The following PARVA variants were observed in gnomAD, a reference collection of about 807,000 sequenced individuals.
The protein encoded by PARVA is alpha-parvin.
Under a neutral mutation model 52.6 loss-of-function variants are expected in PARVA, and 25 were observed. That is an observed-to-expected ratio of 0.48 (90% CI 0.35 to 0.66). The LOEUF (loss-of-function observed/expected upper bound fraction) is 0.66. Ranked by LOEUF, PARVA falls within the 30% of genes least tolerant of loss-of-function variation. PARVA has a pLI of 0.01. For missense variants in PARVA, 373 were observed against 450.9 expected (o/e 0.83, Z 1.56); for synonymous variants, 185 against 179.1 (o/e 1.03, Z -0.26).
At chr11:12,420,960 C>T (rs950021602) in intron 1 of PARVA, among the ~76,000 whole-genome samples, 1 of 151,922 alleles carries the variant, frequency 6.6e-6, no homozygotes, top group Non-Finnish European at 1.5e-5. Context: ...ATTCCTGGAT[C>T]CTTCAATGAT....
intron 1 of PARVA, among the ~76,000 whole-genome samples, chr11:12,381,952 A>G (rs1273800232): frequency 6.6e-6 from 1 of 151,974 alleles, no homozygotes; most frequent in Non-Finnish European, 1.5e-5. Flanking sequence ...GTGTTAGTCA[A>G]GGTTTATGGT....
intron 9 of PARVA, 159 bp from the exon 10 acceptor site, chr11:12,513,838 A>G (rs1427369754): frequency 2.2e-5 from 14 of 649,000 alleles, no homozygotes; most frequent in South Asian, 1.3e-4. Flanking sequence ...TGTGCACTCA[A>G]TGGCCTTTGC....
chr11:12,510,467 G>T (rs1176640371), intron 7 of PARVA, among the ~76,000 whole-genome samples: 1 of 152,224 alleles, frequency 6.6e-6, no homozygotes, highest in East Asian at 1.9e-4. Flanking sequence ...TCATTTTAGA[G>T]ATGAGAGACC....
rs58878351 is a variant in PARVA at position 12,504,774 on chromosome 11, G to GGTGTGTGTGTGTGT, written c.657+351_657+364dup. 1.6e-3 allele frequency among the ~76,000 whole-genome samples: 234 copies of GGTGTGTGTGTGTGT among 149,336 alleles called. 4 individuals are homozygous for GGTGTGTGTGTGTGT. Among genetic ancestry groups the GGTGTGTGTGTGTGT allele is most frequent in the South Asian group, 6.9e-3 (32 of 4,652 alleles). The stretch of plus-strand genomic sequence containing the variant: ...ATGGGGTCAGGAGGAAAGGTATGTG[G>GGTGTGTGTGTGTGT]GTGTGTGTGTGTGTGTGTGAGTTTG... On this transcript the variant is annotated intron_variant, in intron 6 of 12. Transcript: ENST00000334956.
intron 1 of PARVA, among the ~76,000 whole-genome samples, chr11:12,422,889 T>C (rs1471665826): frequency 6.6e-6 from 1 of 152,226 alleles, no homozygotes; most frequent in Non-Finnish European, 1.5e-5. Flanking sequence ...TGAGTCTTGC[T>C]CTGTTGCCCA....
intron 1 of PARVA, among the ~76,000 whole-genome samples, chr11:12,410,851 C>A (rs1939983296): frequency 6.6e-6 from 1 of 152,222 alleles, no homozygotes; most frequent in Admixed American, 6.5e-5. Flanking sequence ...GAATGTTCAT[C>A]ATTAAGCATC....
At chr11:12,382,273 T>A (rs1398425670) in intron 1 of PARVA, among the ~76,000 whole-genome samples, 2 of 152,138 alleles carry the variant, frequency 1.3e-5, no homozygotes, top group Non-Finnish European at 2.9e-5. Context: ...GACATTTCGA[T>A]AAGTTCTAAC....
At chr11:12,391,355 G>T (rs747169165) in intron 1 of PARVA, among the ~76,000 whole-genome samples, 2 of 152,154 alleles carry the variant, frequency 1.3e-5, no homozygotes, top group African/African-American at 4.8e-5. Flanking sequence ...GGCAATTGTC[G>T]TTCAGTTTGT....
intron 1 of PARVA, among the ~76,000 whole-genome samples, chr11:12,414,447 A>G (rs1940035678): frequency 6.6e-6 from 1 of 152,222 alleles, no homozygotes; most frequent in East Asian, 1.9e-4. Context: ...TAATTTTTAA[A>G]TTCTTTCATC....
chr11:12,474,113 G>A, intron 3 of PARVA, 130 bp downstream of exon 3: 2 of 718,554 alleles, frequency 2.8e-6, no homozygotes, highest in Non-Finnish European at 4.9e-6. Context: ...CCTGCCTCAG[G>A]CAGTGAGTTG....
At chr11:12,406,780 C>T (rs889051055) in intron 1 of PARVA, among the ~76,000 whole-genome samples, 1 of 148,684 alleles carries the variant, frequency 6.7e-6, no homozygotes, top group African/African-American at 2.5e-5. Context: ...ATACCATTCT[C>T]CTGCCTCGGC....
intron 5 of PARVA, among the ~76,000 whole-genome samples, chr11:12,499,324 TC>T (rs369200713): frequency 2.3e-3 from 353 of 152,246 alleles, no homozygotes; most frequent in African/African-American, 8.1e-3. Context: ...TCAGTTACCT[TC>T]CGTGGATGTA....
rs1337734412 is a variant in PARVA at position 12,533,557 on chromosome 11, C to G, written c.*5632C>G. 6.6e-6 allele frequency among the ~76,000 whole-genome samples: 1 copy of G among 152,142 alleles called. No individual in the cohort carries two copies. Among genetic ancestry groups the G allele is most frequent in the African/African-American group, 2.4e-5 (1 of 41,446 alleles). ...CCTTGAATGATATGGGCACCGACCC[C>G]TGAGCAGCTGAAAATTTGCATGTAA... On this transcript the variant is annotated 3_prime_UTR_variant, in exon 13 of 13. Transcript: ENST00000334956.
Position 12,494,424 on chromosome 11 carries a change from T to G in PARVA, c.401-2034T>G, listed in dbSNP as rs554402166. The stretch of plus-strand genomic sequence containing the variant: ...TCCTCAGAGCTTTCTAAAAGTTGCC[T>G]CATTAACATAAACTCAGATGTAGGT... On this transcript the variant is annotated intron_variant, in intron 4 of 12. Coordinates refer to ENST00000334956, the MANE Select transcript of PARVA (RefSeq NM_018222.5). 1.4e-3 allele frequency among the ~76,000 whole-genome samples: 206 copies of G among 152,268 alleles called. 1 individual carries two copies. Among genetic ancestry groups the G allele is most frequent in the Non-Finnish European group, 9.0e-4 (61 of 68,012 alleles).
At chr11:12,477,457 G>T (rs940137710) in intron 3 of PARVA, among the ~76,000 whole-genome samples, 12 of 152,094 alleles carry the variant, frequency 7.9e-5, no homozygotes, top group African/African-American at 2.9e-4. Context: ...GGAATAATAG[G>T]GGACATAGAT....
rs183887454 is a variant in PARVA at position 12,438,246 on chromosome 11, C to T, written c.137-35499C>T. On this transcript the variant is annotated intron_variant, in intron 1 of 12. Transcript: ENST00000334956. ...CTACACCCCAGCCTGGGTGACAGAG[C>T]GAGACTGCATCTCAAAAAAAAAAAA... Among the ~76,000 whole-genome samples, 364 of 142,252 alleles carry T rather than the reference C, an allele frequency of 2.6e-3. 2 individuals carry two copies. The highest frequency in any genetic ancestry group is 6.6e-3 in the African/African-American group (249 of 37,596). The allele number at this position is 142,252 out of a possible 152,430, so 93.3% of individuals were successfully genotyped here.
intron 12 of PARVA, among the ~76,000 whole-genome samples, chr11:12,521,816 T>C (rs1267901188): frequency 6.6e-6 from 1 of 152,148 alleles, no homozygotes; most frequent in Non-Finnish European, 1.5e-5. Context: ...AGCCAGAGAA[T>C]GCAGGCAACC....
At chr11:12,454,759 T>A (rs1940674233) in intron 1 of PARVA, among the ~76,000 whole-genome samples, 1 of 152,178 alleles carries the variant, frequency 6.6e-6, no homozygotes, top group Non-Finnish European at 1.5e-5. Flanking sequence ...TTTTATTATT[T>A]TGAAGTGGTT....
intron 5 of PARVA, among the ~76,000 whole-genome samples, chr11:12,500,818 A>T (rs1214451749): frequency 6.7e-6 from 1 of 148,818 alleles, no homozygotes; most frequent in Non-Finnish European, 1.5e-5. Flanking sequence ...GGGGAAAAAA[A>T]ACCTATCTGG....
Sources: gnomAD v4.1 joint callset for allele counts (sites outside exome capture counted in the v4.1 genomes callset) on GRCh38, gnomAD v4.1.1 for gene constraint, MANE v1.5 for transcripts, NCBI Gene and HGNC (gene_info 2026-07-23, HGNC 2026-07-21) for gene names.